Variants in SLC24A2 observed in about 807,000 individuals in gnomAD.
SLC24A2 encodes sodium/potassium/calcium exchanger 2.
Under a neutral mutation model 62.0 loss-of-function variants are expected in SLC24A2, and 36 were observed. The ratio of observed to expected loss-of-function variants is 0.58; its 90% confidence interval spans 0.44 to 0.77. The LOEUF is 0.77. SLC24A2 is among the 30% of genes least tolerant of loss of function. The pLI is 0.00. For synonymous variants in SLC24A2, 358 were observed against 294.0 expected (o/e 1.22, Z -2.23); for missense variants, 846 against 817.9 (o/e 1.03, Z -0.42).
chr9:20,016,271 T>C, the SLC24A2 span, among the ~76,000 whole-genome samples: 2 of 152,302 alleles, frequency 1.3e-5, no homozygotes, highest in South Asian at 4.1e-4. Context: ...ATATTATTAC[T>C]AGGAAAAACA....
At chr9:19,797,812 C>T in the SLC24A2 span, among the ~76,000 whole-genome samples, 1 of 152,018 alleles carries the variant, frequency 6.6e-6, no homozygotes, top group Non-Finnish European at 1.5e-5. Flanking sequence ...CCCTTTTTGC[C>T]AGCGTGGGAA....
the SLC24A2 span, among the ~76,000 whole-genome samples, chr9:19,975,989 A>C: frequency 6.6e-6 from 1 of 152,118 alleles, no homozygotes; most frequent in Non-Finnish European, 1.5e-5. Flanking sequence ...TCCTGGGCTC[A>C]AGCGATCCTC....
chr9:20,111,203 G>A, the SLC24A2 span, among the ~76,000 whole-genome samples: 13 of 152,226 alleles, frequency 8.5e-5, 1 homozygote, highest in Admixed American at 3.9e-4. Flanking sequence ...GGGAGGCACC[G>A]GTAGGAGTGG....
At chr9:19,532,160 A>G (rs1833739119) in intron 8 of SLC24A2, among the ~76,000 whole-genome samples, 1 of 152,138 alleles carries the variant, frequency 6.6e-6, no homozygotes, top group Non-Finnish European at 1.5e-5. Context: ...TTGGCTCACC[A>G]TAACCTCCAC....
rs574376422 is a variant in SLC24A2, at chr9:19,579,659, C to T, written c.1130-2637G>A. Among the ~76,000 whole-genome samples the T allele has an allele frequency of 9.2e-5, 14 of 152,172 alleles. No homozygotes were observed. The East Asian group carries it at 1.5e-3, about 17-fold the overall frequency. On this transcript the variant is annotated intron_variant, in intron 5 of 10. Transcript: ENST00000341998. Reference sequence around the variant, plus strand: ...AATAAAGCAGGAAAGCATTCAGAAGCGGCAACAAATAGGTCTGTGGAAATA... The same window carrying T: ...AATAAAGCAGGAAAGCATTCAGAAGTGGCAACAAATAGGTCTGTGGAAATA...
In SLC24A2 at chr9:19,786,941, C is replaced by G. The variant is rs1329814537; in HGVS notation, c.-75G>C. The stretch of plus-strand genomic sequence containing the variant: ...GATGGTTCTTTCATACTTTTCCTTA[C>G]TTTATAGTTAACGATGCTTGTGGGG... On this transcript the variant is annotated 5_prime_UTR_variant, in exon 2 of 11. Coordinates refer to ENST00000341998, the MANE Select transcript of SLC24A2 (RefSeq NM_020344.4). This position sits in a 1 kb window ranked among gnomAD's most constrained non-coding sequence, Gnocchi z 5.0. 1.3e-6 allele frequency: 2 copies of G among 1,571,702 alleles called. No homozygotes were observed. The highest frequency in any genetic ancestry group is 1.4e-5 in the African/African-American group (1 of 73,848).
At chr9:20,241,342 G>C in the SLC24A2 span, among the ~76,000 whole-genome samples, 1 of 152,198 alleles carries the variant, frequency 6.6e-6, no homozygotes, top group Non-Finnish European at 1.5e-5. Context: ...GTTCAATTCA[G>C]CAGGTATTTG....
chr9:19,749,666 C>A (rs967101714), intron 2 of SLC24A2, among the ~76,000 whole-genome samples: 3 of 152,266 alleles, frequency 2.0e-5, no homozygotes, highest in East Asian at 1.9e-4. Context: ...AACAATGAAT[C>A]ATTTTTAGTA....
chr9:19,543,605 G>A (rs1038307346), intron 8 of SLC24A2, among the ~76,000 whole-genome samples: 14 of 152,186 alleles, frequency 9.2e-5, no homozygotes, highest in Admixed American at 5.2e-4. Context: ...TGCTTTAAAT[G>A]TGTCCCAGAG....
the SLC24A2 span, among the ~76,000 whole-genome samples, chr9:19,933,170 G>T: frequency 6.6e-6 from 1 of 152,184 alleles, no homozygotes; most frequent in Non-Finnish European, 1.5e-5. Context: ...TGGGCACTTT[G>T]CTTGGACCTC....
rs1025443629 is a variant in SLC24A2 at position 19,567,840 on chromosome 9, G to C, written c.1347+5511C>G. 5.9e-5 allele frequency among the ~76,000 whole-genome samples: 9 copies of C among 152,118 alleles called. No individual in the cohort carries two copies. The South Asian group carries it at 8.3e-4, about 14-fold the overall frequency. ...CATTTAAAAAGTCATATTATTTCTT[G>C]GTTCCACAGAATATACAAATGAAGC... On this transcript the variant is annotated intron_variant, in intron 7 of 10. Coordinates refer to ENST00000341998, the MANE Select transcript of SLC24A2 (RefSeq NM_020344.4).
chr9:20,265,517 C>A, the SLC24A2 span, among the ~76,000 whole-genome samples: 2 of 152,204 alleles, frequency 1.3e-5, no homozygotes, highest in African/African-American at 2.4e-5. Context: ...CCAATCAATA[C>A]CCTTGTGATT....
At chr9:20,211,745 T>G in the SLC24A2 span, among the ~76,000 whole-genome samples, 6 of 152,120 alleles carry the variant, frequency 3.9e-5, no homozygotes, top group Non-Finnish European at 7.4e-5. Flanking sequence ...TTTCAAAAAT[T>G]GTTAACGAGG....
the SLC24A2 span, among the ~76,000 whole-genome samples, chr9:19,974,603 T>C: frequency 2.6e-5 from 4 of 152,334 alleles, no homozygotes; most frequent in South Asian, 8.3e-4. Context: ...TTTGAAGAGC[T>C]CATTTTAGGC....
the SLC24A2 span, among the ~76,000 whole-genome samples, chr9:20,286,635 T>C: frequency 6.6e-6 from 1 of 152,214 alleles, no homozygotes; most frequent in Non-Finnish European, 1.5e-5. Flanking sequence ...AAGGAGAGAA[T>C]GACTACTGGC....
chr9:20,231,020 G>C, the SLC24A2 span, among the ~76,000 whole-genome samples: 4 of 152,098 alleles, frequency 2.6e-5, no homozygotes, highest in South Asian at 2.1e-4. Context: ...TTTTTGTCAG[G>C]TTTGTCAAAG....
rs1427220173 is a variant in SLC24A2, at chr9:19,512,536, G to T, written c.*3617C>A. 1 of 152,158 alleles carries T rather than the reference G, an allele frequency of 6.6e-6. No individual in the cohort carries two copies. Among genetic ancestry groups the T allele is most frequent in the African/African-American group, 2.4e-5 (1 of 41,432 alleles). 9.4% of individuals were successfully genotyped at this position (152,158 alleles called of 1,614,324 possible). The stretch of plus-strand genomic sequence containing the variant: ...CTGATCTTCAGCTTCAGTTCATCAG[G>T]ATCTGGTCAGGTGCAGAGGGCAGCT... On this transcript the variant is annotated 3_prime_UTR_variant, in exon 11 of 11. Transcript: ENST00000341998.
At chr9:19,957,024 T>C in the SLC24A2 span, among the ~76,000 whole-genome samples, 4 of 152,192 alleles carry the variant, frequency 2.6e-5, no homozygotes, top group African/African-American at 9.7e-5. Flanking sequence ...TTATAAGCCA[T>C]CCAGTCTACG....
At chr9:19,547,722 C>T (rs1834652582) in intron 8 of SLC24A2, among the ~76,000 whole-genome samples, 1 of 151,500 alleles carries the variant, frequency 6.6e-6, no homozygotes, top group Admixed American at 6.6e-5. Flanking sequence ...CTTCTGGGGG[C>T]CACACCACAT....
Sources: gnomAD v4.1 joint callset for allele counts (sites outside exome capture counted in the v4.1 genomes callset) on GRCh38, gnomAD v4.1.1 for gene constraint, Gnocchi (gnomAD v3.1) non-coding constraint, MANE v1.5 for transcripts, NCBI Gene and HGNC (gene_info 2026-07-23, HGNC 2026-07-21) for gene names.